HLTF: variants seen among roughly 807,000 people sequenced by gnomAD.
HLTF encodes the protein DNA-dependent ATPase/E3 ubiquitin-protein ligase HLTF.
In HLTF, 127 loss-of-function variants were observed where a neutral mutation model predicts 129.4. The ratio of observed to expected loss-of-function variants is 0.98; its 90% CI spans 0.85 to 1.14. The LOEUF (loss-of-function observed/expected upper bound fraction) is 1.14, where lower values mean the gene tolerates loss of function less well. Ranked by LOEUF, HLTF falls within the 50% of genes most tolerant of loss-of-function variation. The probability of loss-of-function intolerance (pLI) is 0.00; values close to 1 mark genes in which losing one functional copy is unlikely to be tolerated. For missense variants in HLTF, 1,139 were observed against 1,187.1 expected (o/e 0.96, Z 0.60); for synonymous variants, 332 against 388.8 (o/e 0.85, Z 1.72).
At chr3:149,062,255 C>T (rs1576604462) in intron 10 of HLTF, among the ~76,000 whole-genome samples, 1 of 152,154 alleles carries the variant, frequency 6.6e-6, no homozygotes, top group East Asian at 1.9e-4. Context: ...TTCTCATGTC[C>T]TCACCATTAT....
At chr3:149,069,844 G>A (rs1322610639) in intron 7 of HLTF, among the ~76,000 whole-genome samples, 4 of 152,166 alleles carry the variant, frequency 2.6e-5, no homozygotes, top group African/African-American at 9.7e-5. Context: ...TTAGAATGTT[G>A]GAAAAGTTGT....
chr3:149,040,125 T>C lies in HLTF; in HGVS notation c.2408A>G (p.Asp803Gly), dbSNP rs1716000361. 2 of 1,609,258 alleles carry C rather than the reference T, an allele frequency of 1.2e-6. No homozygotes were observed. The highest frequency in any genetic ancestry group is 1.7e-6 in the Non-Finnish European group (2 of 1,177,982). ...PHAKCPLCRN[D>G]IHEDNLLECP... ...TTCTAATAAATTATCTTCATGTATA[T>C]CATTTCTGCATAAAGGGCATTTAGC... Residue 803 changes from aspartate (D) to glycine (G), a missense_variant, in exon 21 of 25, where the codon GAT becomes GGT. Transcript: ENST00000310053.
intron 9 of HLTF, among the ~76,000 whole-genome samples, 178 bp downstream of exon 9, chr3:149,064,613 C>T (rs1718202651): frequency 1.3e-5 from 2 of 152,080 alleles, no homozygotes; most frequent in African/African-American, 4.8e-5. Context: ...TTCATGAAAC[C>T]TTTCCTATCA....
chr3:149,045,146 C>A (rs1470412197), intron 18 of HLTF, among the ~76,000 whole-genome samples: 1 of 152,122 alleles, frequency 6.6e-6, no homozygotes, highest in African/African-American at 2.4e-5. Flanking sequence ...TATCCAGCCA[C>A]ACTTGCTTCT....
chr3:149,054,757 T>C (rs1389884195), intron 14 of HLTF, among the ~76,000 whole-genome samples: 1 of 152,166 alleles, frequency 6.6e-6, no homozygotes, highest in Non-Finnish European at 1.5e-5. Flanking sequence ...TTGGAGACTA[T>C]ATACAAGATC....
chr3:149,039,447 A>C, intron 22 of HLTF, 134 bp downstream of exon 22: 1 of 612,242 alleles, frequency 1.6e-6, no homozygotes, highest in Non-Finnish European at 2.7e-6. Flanking sequence ...AGTATTCTCT[A>C]TTGTGACTCT....
intron 2 of HLTF, among the ~76,000 whole-genome samples, chr3:149,080,389 G>A (rs1334940131): frequency 7.4e-6 from 1 of 135,578 alleles, no homozygotes; most frequent in African/African-American, 3.2e-5. Flanking sequence ...ATACAAGAAA[G>A]CTGCTTCAAA....
At position 149,032,008 on chromosome 3, in the gene HLTF, C is replaced by A; in HGVS notation, c.*212G>T. 1 of 343,746 alleles carries A rather than the reference C, an allele frequency of 2.9e-6. No individual in the cohort carries two copies. The highest frequency in any genetic ancestry group is 5.2e-6 in the Non-Finnish European group (1 of 194,154). The allele number at this position is 343,746 out of a possible 1,614,324, so 21.3% of individuals were successfully genotyped here. On this transcript the variant is annotated 3_prime_UTR_variant, in exon 25 of 25. Transcript: ENST00000310053. Reference sequence around the variant, plus strand: ...CCTTTTTTCTCAAATTATTTCAGGCCACAGTATATAACGGAACTTATTGCT... The same window carrying A: ...CCTTTTTTCTCAAATTATTTCAGGCAACAGTATATAACGGAACTTATTGCT...
intron 2 of HLTF, among the ~76,000 whole-genome samples, chr3:149,084,094 A>G (rs1033596726): frequency 6.6e-6 from 1 of 152,184 alleles, no homozygotes; most frequent in Admixed American, 6.5e-5. Flanking sequence ...CATAACTTTC[A>G]TTTTATGAAA....
intron 24 of HLTF, among the ~76,000 whole-genome samples, chr3:149,033,833 G>C (rs1010901771): frequency 6.6e-6 from 1 of 152,040 alleles, no homozygotes; most frequent in African/African-American, 2.4e-5. Context: ...TCCTAGGTAA[G>C]ACCTTAAAAC....
intron 23 of HLTF, among the ~76,000 whole-genome samples, chr3:149,038,556 G>A (rs982238054): frequency 1.3e-5 from 2 of 151,938 alleles, no homozygotes; most frequent in Non-Finnish European, 2.9e-5. Flanking sequence ...AGGCTGGAGT[G>A]CAGTGACAGG....
chr3:149,074,454 A>G, intron 3 of HLTF, 106 bp from the exon 4 acceptor site: 1 of 1,088,976 alleles, frequency 9.2e-7, no homozygotes, highest in East Asian at 2.4e-5. Flanking sequence ...TTTACATTGA[A>G]GTAAAGTAAT....
At chr3:149,048,238 G>A (rs1716715242) in intron 16 of HLTF, 75 bp from the exon 17 acceptor site, 2 of 1,216,192 alleles carry the variant, frequency 1.6e-6, no homozygotes, top group East Asian at 2.4e-5. Context: ...CCCAATCAGA[G>A]AAGACAACAA....
At chr3:149,057,876 G>T (rs778225782) in intron 13 of HLTF, among the ~76,000 whole-genome samples, 8 of 152,038 alleles carry the variant, frequency 5.3e-5, no homozygotes, top group Non-Finnish European at 1.0e-4. Flanking sequence ...TTAAAATAAT[G>T]CTGCAATGAA....
rs763767912 is a variant in HLTF at position 149,084,922 on chromosome 3, T to C, written c.21-33A>G. Reference sequence around the variant, plus strand: ...TTTTTAAAGGCAAAGAAAAACAATATAATATTTAAGTATTTCCAAAGACCA... The same window carrying C: ...TTTTTAAAGGCAAAGAAAAACAATACAATATTTAAGTATTTCCAAAGACCA... On this transcript the variant is annotated intron_variant, in intron 1 of 24. Coordinates refer to ENST00000310053, the MANE Select transcript of HLTF (RefSeq NM_003071.4). 85 of 1,482,224 alleles carry C rather than the reference T, an allele frequency of 5.7e-5. 1 individual carries two copies. In the East Asian group the frequency reaches 1.9e-3, roughly 33 times the overall value. 91.8% of individuals were successfully genotyped at this position (1,482,224 alleles called of 1,614,324 possible).
At chr3:149,066,951 T>A (rs1718428665) in intron 8 of HLTF, among the ~76,000 whole-genome samples, 2 of 152,114 alleles carry the variant, frequency 1.3e-5, no homozygotes, top group African/African-American at 4.8e-5. Context: ...GAAACTGATG[T>A]ACTGCCTTCT....
At chr3:149,042,104 T>C in intron 19 of HLTF, 62 bp downstream of exon 19, 3 of 1,481,998 alleles carry the variant, frequency 2.0e-6, no homozygotes, top group Non-Finnish European at 2.8e-6. Context: ...AAAAAAAATT[T>C]ATCACTCTTA....
At chr3:149,054,581 CAAG>C (rs893370971) in intron 14 of HLTF, among the ~76,000 whole-genome samples, 1 of 151,974 alleles carries the variant, frequency 6.6e-6, no homozygotes, top group African/African-American at 2.4e-5. Context: ...TTCATCATAA[CAAG>C]AAGTTTGAAG....
At chr3:149,057,732 G>A (rs901723956) in intron 13 of HLTF, among the ~76,000 whole-genome samples, 1 of 151,960 alleles carries the variant, frequency 6.6e-6, no homozygotes, top group African/African-American at 2.4e-5. Context: ...ACTGTGTTTG[G>A]GATTTACACT....
Sources: gnomAD v4.1 joint callset for allele counts (sites outside exome capture counted in the v4.1 genomes callset) on GRCh38, gnomAD v4.1.1 for gene constraint, MANE v1.5 for transcripts, NCBI Gene and HGNC (gene_info 2026-07-23, HGNC 2026-07-21) for gene names.